The following DGKB variants were observed in gnomAD, a reference collection of about 807,000 sequenced individuals.
DGKB encodes the protein 90 kDa diacylglycerol kinase.
DGKB carries 67 observed loss-of-function variants against 114.3 expected under a neutral mutation model. That is an observed-to-expected ratio of 0.59 (90% CI 0.48 to 0.72). The LOEUF is 0.72. DGKB is among the 30% of genes least tolerant of loss of function. The pLI is 0.00. For synonymous variants in DGKB, 398 were observed against 323.1 expected (o/e 1.23, Z -2.49); for missense variants, 907 against 975.2 (o/e 0.93, Z 0.93).
At chr7:14,912,680 C>G (rs1344155150) in intron 1 of DGKB, among the ~76,000 whole-genome samples, 1 of 152,098 alleles carries the variant, frequency 6.6e-6, no homozygotes, top group African/African-American at 2.4e-5. Context: ...TAAGTGGACG[C>G]CAGTGTCAAG....
intron 1 of DGKB, among the ~76,000 whole-genome samples, chr7:14,878,115 G>C (rs759461770): frequency 4.1e-5 from 6 of 148,142 alleles, no homozygotes; most frequent in Non-Finnish European, 8.9e-5. Context: ...TAAACAAATA[G>C]AGCCTGTCCA....
chr7:14,601,901 C>G (rs1001955546), intron 17 of DGKB, among the ~76,000 whole-genome samples: 2 of 151,912 alleles, frequency 1.3e-5, no homozygotes, highest in South Asian at 4.2e-4. Context: ...TAAGACTGAA[C>G]CTCTCTCTAT....
intron 23 of DGKB, among the ~76,000 whole-genome samples, chr7:14,227,477 A>C (rs1790990787): frequency 6.6e-6 from 1 of 152,132 alleles, no homozygotes; most frequent in South Asian, 2.1e-4. Context: ...GAAAGTATCC[A>C]AAAAGGATCT....
chr7:14,601,112 A>T (rs923769209), intron 17 of DGKB, among the ~76,000 whole-genome samples: 12 of 152,270 alleles, frequency 7.9e-5, no homozygotes, highest in African/African-American at 2.9e-4. Context: ...GTGCCTGCAG[A>T]GTTAGCACCA....
At chr7:14,428,172 GATATAT>G (rs926259502) in intron 21 of DGKB, among the ~76,000 whole-genome samples, 1 of 151,140 alleles carries the variant, frequency 6.6e-6, no homozygotes. Flanking sequence ...CTTTTTCTGT[GATATAT>G]ATATATAATT....
chr7:14,565,670 C>T (rs1007863937), intron 20 of DGKB, among the ~76,000 whole-genome samples: 1 of 152,112 alleles, frequency 6.6e-6, no homozygotes, highest in African/African-American at 2.4e-5. Context: ...TATTTCCTTC[C>T]ATCCCCTGGA....
chr7:14,724,281 T>C (rs1226428231), intron 5 of DGKB, among the ~76,000 whole-genome samples: 1 of 152,222 alleles, frequency 6.6e-6, no homozygotes, highest in Non-Finnish European at 1.5e-5. Flanking sequence ...TTGATATTAG[T>C]ATTGTCATAT....
intron 25 of DGKB, among the ~76,000 whole-genome samples, chr7:14,154,938 A>G (rs1297016777): frequency 2.0e-5 from 3 of 151,282 alleles, no homozygotes; most frequent in African/African-American, 7.3e-5. Flanking sequence ...ATTCTCCTGC[A>G]CTCTAGTGTT....
intron 17 of DGKB, among the ~76,000 whole-genome samples, chr7:14,592,511 C>T (rs889849359): frequency 6.6e-6 from 1 of 151,958 alleles, no homozygotes; most frequent in Non-Finnish European, 1.5e-5. Context: ...TTAGTAAAAT[C>T]TGGCTGAATT....
intron 23 of DGKB, among the ~76,000 whole-genome samples, chr7:14,222,310 A>T (rs983733522): frequency 2.7e-5 from 4 of 150,852 alleles, no homozygotes; most frequent in Non-Finnish European, 5.9e-5. Context: ...TTTCTCTCTA[A>T]ACACTGCATC....
intron 21 of DGKB, among the ~76,000 whole-genome samples, chr7:14,413,752 G>A (rs557129221): frequency 6.6e-6 from 1 of 152,248 alleles, no homozygotes; most frequent in East Asian, 1.9e-4. Flanking sequence ...TTGGCACCCA[G>A]GGCAAGAGTG....
At chr7:14,622,734 C>T (rs780817043) in intron 14 of DGKB, among the ~76,000 whole-genome samples, 3 of 152,076 alleles carry the variant, frequency 2.0e-5, no homozygotes, top group African/African-American at 4.8e-5. Flanking sequence ...CAGTTCTCTA[C>T]ACAAAAGCCA....
At chr7:14,970,845 C>T (rs768726788) in intron 1 of DGKB, among the ~76,000 whole-genome samples, 2 of 152,148 alleles carry the variant, frequency 1.3e-5, no homozygotes, top group South Asian at 2.1e-4. Context: ...GCCATAGACA[C>T]CATTTCTGAA....
intron 17 of DGKB, among the ~76,000 whole-genome samples, chr7:14,605,841 T>G (rs989048120): frequency 6.6e-6 from 1 of 152,170 alleles, no homozygotes; most frequent in Non-Finnish European, 1.5e-5. Context: ...GGACATGCTA[T>G]GCAGTAAGTA....
chr7:14,878,209 C>T (rs957138868), intron 1 of DGKB, among the ~76,000 whole-genome samples: 2 of 152,130 alleles, frequency 1.3e-5, no homozygotes, highest in South Asian at 2.1e-4. Flanking sequence ...TAATAATTCA[C>T]AAGTTAACAA....
chr7:14,269,306 G>A (rs985283477), intron 23 of DGKB: 1 of 152,204 alleles, frequency 6.6e-6, no homozygotes, highest in African/African-American at 2.4e-5. Flanking sequence ...GTGAGCCACT[G>A]CGTCCACCCC....
At chr7:14,263,539 C>T (rs967591601) in intron 23 of DGKB, among the ~76,000 whole-genome samples, 4 of 152,150 alleles carry the variant, frequency 2.6e-5, no homozygotes, top group African/African-American at 9.7e-5. Context: ...CTATGCATGG[C>T]TAAATCCTGC....
At chr7:14,722,554 C>T (rs1475445231) in intron 5 of DGKB, among the ~76,000 whole-genome samples, 1 of 152,134 alleles carries the variant, frequency 6.6e-6, no homozygotes, top group African/African-American at 2.4e-5. Context: ...GAACTCATGC[C>T]TGCAATCCCA....
Position 14,679,996 on chromosome 7 carries a change from A to G in DGKB, c.1035+2557T>C, listed in dbSNP as rs188568699. Among the ~76,000 whole-genome samples the G allele has an allele frequency of 3.8e-3, 585 of 152,112 alleles. 3 individuals carry two copies. Among genetic ancestry groups the G allele is most frequent in the Non-Finnish European group, 4.7e-3 (317 of 67,950 alleles). The stretch of plus-strand genomic sequence containing the variant: ...TGATAGAGTCTCCTGGATATATGAT[A>G]ACTTTTTAAAAATTTGCACAAGTTG... On this transcript the variant is annotated intron_variant, in intron 12 of 25. Coordinates refer to ENST00000402815, the MANE Select transcript of DGKB (RefSeq NM_001350709.2).
Sources: gnomAD v4.1 joint callset for allele counts (sites outside exome capture counted in the v4.1 genomes callset) on GRCh38, gnomAD v4.1.1 for gene constraint, MANE v1.5 for transcripts, NCBI Gene and HGNC (gene_info 2026-07-23, HGNC 2026-07-21) for gene names.